Variants in TPST1 observed in about 807,000 individuals in gnomAD.
The protein encoded by TPST1 is tyrosylprotein sulfotransferase 1, also known as protein-tyrosine sulfotransferase 1.
In TPST1, 20 loss-of-function variants were observed where a neutral mutation model predicts 34.8. The observed-to-expected ratio is 0.57, with a 90% CI of 0.40 to 0.84. TPST1 has a LOEUF of 0.84. TPST1 is among the 40% of genes least tolerant of loss of function. The pLI is 0.00. For synonymous variants in TPST1, 152 were observed against 159.4 expected (o/e 0.95, Z 0.35); for missense variants, 353 against 455.5 (o/e 0.78, Z 2.05).
intron 3 of TPST1, among the ~76,000 whole-genome samples, chr7:66,338,187 A>G (rs533515409): frequency 6.6e-5 from 10 of 152,332 alleles, no homozygotes; most frequent in African/African-American, 2.2e-4. Context: ...AAGAGAGCCT[A>G]TAGTTTTATC....
At chr7:66,284,715 C>T (rs1355005659) in intron 2 of TPST1, among the ~76,000 whole-genome samples, 1 of 152,060 alleles carries the variant, frequency 6.6e-6, no homozygotes, top group African/African-American at 2.4e-5. Context: ...CACCACCACA[C>T]CTGGCTAATT....
At chr7:66,255,962 A>G (rs952271592) in intron 2 of TPST1, among the ~76,000 whole-genome samples, 14 of 152,250 alleles carry the variant, frequency 9.2e-5, no homozygotes, top group East Asian at 5.8e-4. Context: ...CAGACCTACT[A>G]TTTTATTAAG....
chr7:66,254,871 G>A (rs1317895320), intron 2 of TPST1, among the ~76,000 whole-genome samples: 1 of 152,318 alleles, frequency 6.6e-6, no homozygotes, highest in East Asian at 1.9e-4. Flanking sequence ...GTTGTTGCCA[G>A]GCGTGGTGGC....
At chr7:66,311,105 T>C (rs1247340819) in intron 3 of TPST1, among the ~76,000 whole-genome samples, 1 of 152,136 alleles carries the variant, frequency 6.6e-6, no homozygotes, top group African/African-American at 2.4e-5. Context: ...GCAGGATTTT[T>C]TTTTTCCCCT....
chr7:66,271,127 T>C (rs1177331734), intron 2 of TPST1, among the ~76,000 whole-genome samples: 2 of 152,170 alleles, frequency 1.3e-5, no homozygotes, highest in African/African-American at 4.8e-5. Flanking sequence ...TGTTTCTATC[T>C]GTTGCAATTA....
intron 3 of TPST1, among the ~76,000 whole-genome samples, chr7:66,319,449 G>A (rs1354529701): frequency 6.6e-6 from 1 of 152,170 alleles, no homozygotes; most frequent in Admixed American, 6.5e-5. Context: ...AACATCAAAA[G>A]TTGATCTGAA....
intron 1 of TPST1, among the ~76,000 whole-genome samples, chr7:66,223,458 C>CAAAA (rs34400889): frequency 1.2e-4 from 7 of 59,220 alleles, no homozygotes; most frequent in East Asian, 5.0e-4. Flanking sequence ...GACCCTGTCT[C>CAAAA]AAAAAAAAAA....
intron 3 of TPST1, among the ~76,000 whole-genome samples, chr7:66,335,688 T>C (rs1226389145): frequency 1.3e-5 from 2 of 152,132 alleles, no homozygotes; most frequent in Non-Finnish European, 2.9e-5. Context: ...ATGTTTTGAA[T>C]GGCAGGGCAA....
intron 3 of TPST1, among the ~76,000 whole-genome samples, chr7:66,299,316 T>A (rs74464975): frequency 6.6e-6 from 1 of 150,768 alleles, no homozygotes; most frequent in Non-Finnish European, 1.5e-5. Context: ...TTTTTTTTTT[T>A]AATTTGAAAA....
Position 66,240,952 on chromosome 7 carries a change from A to G in TPST1, c.527A>G (p.Asn176Ser), listed in dbSNP as rs570273709. ...SLTYLSRLFP[N>S]AKFLLMVRDG... ...ACTTACCTTTCTAGGTTATTCCCCA[A>G]TGCCAAATTTCTCCTGATGGTCCGA... Residue 176 changes from asparagine to serine, a missense_variant, in exon 2 of 6, where the codon AAT becomes AGT. Transcript: ENST00000304842. The G allele has an allele frequency of 4.4e-5, 71 of 1,614,010 alleles. No homozygotes were observed. The highest frequency in any genetic ancestry group is 6.7e-5 in the African/African-American group (5 of 74,898).
intron 2 of TPST1, among the ~76,000 whole-genome samples, chr7:66,269,341 C>T (rs1226055034): frequency 6.6e-6 from 1 of 152,130 alleles, no homozygotes; most frequent in East Asian, 1.9e-4. Flanking sequence ...GATGCTAAAA[C>T]CATAAATAAA....
intron 3 of TPST1, among the ~76,000 whole-genome samples, chr7:66,329,396 T>G (rs943334124): frequency 6.6e-6 from 1 of 152,180 alleles, no homozygotes; most frequent in Non-Finnish European, 1.5e-5. Flanking sequence ...CATATTTGCT[T>G]TATCTTCTCT....
At chr7:66,200,284 G>A in the TPST1 span, among the ~76,000 whole-genome samples, 3 of 152,156 alleles carry the variant, frequency 2.0e-5, no homozygotes, top group South Asian at 6.2e-4. Flanking sequence ...TCACTGGGAT[G>A]GCAGCAAGCA....
At chr7:66,329,700 TAA>T (rs1791958722) in intron 3 of TPST1, among the ~76,000 whole-genome samples, 1 of 152,184 alleles carries the variant, frequency 6.6e-6, no homozygotes, top group Non-Finnish European at 1.5e-5. Context: ...GATGGCTCCA[TAA>T]AGATGTCCAC....
At chr7:66,352,043 C>A (rs1436771764) in intron 3 of TPST1, among the ~76,000 whole-genome samples, 1 of 152,136 alleles carries the variant, frequency 6.6e-6, no homozygotes, top group African/African-American at 2.4e-5. Context: ...AAATTCAAAT[C>A]ACCATGAGAA....
At chr7:66,286,875 C>CT (rs1554349136) in intron 3 of TPST1, among the ~76,000 whole-genome samples, 166 bp downstream of exon 3, 3 of 106,772 alleles carry the variant, frequency 2.8e-5, no homozygotes, top group East Asian at 5.0e-4. Context: ...TTATTATACT[C>CT]TAAGTTTTAG....
chr7:66,232,654 G>T (rs1459856808), intron 1 of TPST1, among the ~76,000 whole-genome samples: 1 of 152,132 alleles, frequency 6.6e-6, no homozygotes. Context: ...ACCGCGCCCG[G>T]CCCATGCCTG....
intron 2 of TPST1, among the ~76,000 whole-genome samples, chr7:66,276,216 T>C (rs1790806447): frequency 6.6e-6 from 1 of 151,440 alleles, no homozygotes; most frequent in African/African-American, 2.4e-5. Context: ...AATAATGTTT[T>C]CTTAAATTTT....
At chr7:66,347,059 CTTTTT>C (rs71051352) in intron 3 of TPST1, among the ~76,000 whole-genome samples, 71 of 59,966 alleles carry the variant, frequency 1.2e-3, no homozygotes, top group African/African-American at 4.0e-3. Context: ...CTTTGCTTTT[CTTTTT>C]TTTTTTTTTT....
Sources: gnomAD v4.1 joint callset for allele counts (sites outside exome capture counted in the v4.1 genomes callset) on GRCh38, gnomAD v4.1.1 for gene constraint, MANE v1.5 for transcripts, NCBI Gene and HGNC (gene_info 2026-07-23, HGNC 2026-07-21) for gene names.